Variants in NCOA1 observed in about 807,000 individuals in gnomAD.
The protein encoded by NCOA1 is Hin-2 protein.
Under a neutral mutation model 150.9 loss-of-function variants are expected in NCOA1, and 35 were observed. The ratio of observed to expected loss-of-function variants is 0.23; its 90% confidence interval spans 0.18 to 0.31. NCOA1 has a LOEUF of 0.31. Ranked by LOEUF, NCOA1 falls within the 10% of genes least tolerant of loss-of-function variation. NCOA1 has a pLI of 1.00. For synonymous variants in NCOA1, 590 were observed against 630.0 expected, an observed-to-expected ratio of 0.94 and a Z score of 0.95; for missense variants, 1,491 against 1,749.3, an observed-to-expected ratio of 0.85 and a Z score of 2.63.
At chr2:24,578,947 TTAGCACTGTGACAAC>T (rs1249026313) in intron 2 of NCOA1, among the ~76,000 whole-genome samples, 1 of 152,224 alleles carries the variant, frequency 6.6e-6, no homozygotes, top group Non-Finnish European at 1.5e-5. Context: ...CATATAAGTG[TTAGCACTGTGACAAC>T]TGGGACTGTA....
At position 24,697,807 on chromosome 2, in the gene NCOA1, TTC is replaced by T; in HGVS notation, c.949+16_949+17del. On this transcript the variant is annotated intron_variant, in intron 11 of 22. Transcript: ENST00000348332. ...ACAGCTGTTCCAAGAAGGTAAAATTTTCTCTCTCAATTATTTTCATTAACCCT... is the reference window on the plus strand; with the variant it reads ...ACAGCTGTTCCAAGAAGGTAAAATTTTCTCTCAATTATTTTCATTAACCCT... The T allele has an allele frequency of 9.9e-6, 16 of 1,611,110 alleles. No individual in the cohort carries two copies. Among genetic ancestry groups the T allele is most frequent in the Non-Finnish European group, 1.3e-5 (15 of 1,177,794 alleles).
chr2:24,506,938 C>T (rs1663721536), intron 1 of NCOA1, among the ~76,000 whole-genome samples: 1 of 152,134 alleles, frequency 6.6e-6, no homozygotes, highest in South Asian at 2.1e-4. Flanking sequence ...ATGCAATAAA[C>T]ATTTATTAAG....
rs1673497872 is a variant in NCOA1 at position 24,707,315 on chromosome 2, C to T, written c.1845C>T (p.Asn615=). The T allele has an allele frequency of 6.2e-7, 1 of 1,614,200 alleles. No homozygotes were observed. Among genetic ancestry groups the T allele is most frequent in the East Asian group, 2.2e-5 (1 of 44,890 alleles). ...CTCTGGATTCAGGGCTTCTGCATAA[C>T]AATGACAGACTTTCAGATGGAGACA... The part of the protein sequence containing the change: ...GKPLDSGLLH[N]NDRLSDGDSK... Residue 615 remains asparagine, a synonymous_variant, in exon 13 of 23, where the codon AAC becomes AAT. Transcript: ENST00000348332.
At chr2:24,651,015 A>T (rs1417721774) in intron 4 of NCOA1, among the ~76,000 whole-genome samples, 1 of 152,046 alleles carries the variant, frequency 6.6e-6, no homozygotes, top group African/African-American at 2.4e-5. Context: ...TAGATTTGGG[A>T]TGCTCAACCT....
At chr2:24,572,518 A>C (rs1211089886) in intron 2 of NCOA1, among the ~76,000 whole-genome samples, 1 of 152,228 alleles carries the variant, frequency 6.6e-6, no homozygotes. Context: ...TCTAGTAAGA[A>C]AGAAAACTTT....
chr2:24,722,016 T>C (rs775164219), intron 14 of NCOA1, among the ~76,000 whole-genome samples: 4 of 152,084 alleles, frequency 2.6e-5, no homozygotes, highest in Admixed American at 6.6e-5. Flanking sequence ...GAAGAGAAAA[T>C]AAAATATAAG....
intron 1 of NCOA1, among the ~76,000 whole-genome samples, chr2:24,532,631 A>G (rs1366456152): frequency 6.6e-6 from 1 of 152,182 alleles, no homozygotes; most frequent in Non-Finnish European, 1.5e-5. Flanking sequence ...ATTTTTGTAT[A>G]AGGTATAAGG....
At chr2:24,746,246 A>G (rs1663910808) in intron 19 of NCOA1, among the ~76,000 whole-genome samples, 1 of 152,204 alleles carries the variant, frequency 6.6e-6, no homozygotes, top group African/African-American at 2.4e-5. Flanking sequence ...AGGGAAACTT[A>G]ACATAGTCTA....
intron 7 of NCOA1, among the ~76,000 whole-genome samples, chr2:24,675,937 T>C (rs955202385): frequency 3.3e-5 from 5 of 152,108 alleles, no homozygotes; most frequent in African/African-American, 1.2e-4. Flanking sequence ...CCCAAATGAT[T>C]ACTATATGTA....
At chr2:24,629,962 G>C (rs1200215173) in intron 3 of NCOA1, among the ~76,000 whole-genome samples, 1 of 151,096 alleles carries the variant, frequency 6.6e-6, no homozygotes, top group Non-Finnish European at 1.5e-5. Flanking sequence ...TCCTGCCTCA[G>C]CCTCCGGAGT....
Position 24,693,315 on chromosome 2 carries a change from T to A in NCOA1, c.776T>A (p.Val259Glu). The A allele has an allele frequency of 6.2e-7, 1 of 1,614,186 alleles. No homozygotes were observed. Among genetic ancestry groups the A allele is most frequent in the South Asian group, 1.1e-5 (1 of 91,090 alleles). ...CCTCGGCCTCCAGCTATTACGGGTG[T>A]AGAATCCTTTATGACCAAGCAAGAT... The part of the protein sequence containing the change: ...RLPRPPAITG[V>E]ESFMTKQDTT... The change falls in exon 10 of 23, where the codon GTA becomes GAA. Residue 259 changes from valine to glutamate, a missense_variant. Val to Glu is a moderately radical substitution (Grantham distance 121). Coordinates refer to ENST00000348332, the MANE Select transcript of NCOA1 (RefSeq NM_003743.5).
At chr2:24,711,814 C>T (rs1311729286) in intron 14 of NCOA1, among the ~76,000 whole-genome samples, 2 of 152,150 alleles carry the variant, frequency 1.3e-5, no homozygotes, top group African/African-American at 4.8e-5. Context: ...TTGCCCATCA[C>T]ATTTTGATGT....
intron 1 of NCOA1, among the ~76,000 whole-genome samples, chr2:24,535,432 G>T (rs1222138086): frequency 6.6e-6 from 1 of 151,964 alleles, no homozygotes; most frequent in Non-Finnish European, 1.5e-5. Context: ...TTTAATTGGG[G>T]CATTTAGCCC....
intron 19 of NCOA1, among the ~76,000 whole-genome samples, chr2:24,742,925 C>A (rs1452105939): frequency 6.6e-6 from 1 of 152,230 alleles, no homozygotes; most frequent in Non-Finnish European, 1.5e-5. Context: ...CTCTCAGCTG[C>A]TGCTGTTGCA....
intron 14 of NCOA1, among the ~76,000 whole-genome samples, chr2:24,717,748 G>A (rs192810033): frequency 6.6e-6 from 1 of 152,234 alleles, no homozygotes; most frequent in East Asian, 1.9e-4. Flanking sequence ...TAATACTAAT[G>A]TGTCAATATT....
At chr2:24,728,931 AAAG>A (rs1199077230) in intron 16 of NCOA1, among the ~76,000 whole-genome samples, 1 of 152,248 alleles carries the variant, frequency 6.6e-6, no homozygotes, top group Non-Finnish European at 1.5e-5. Flanking sequence ...TAGCCCATAA[AAAG>A]AAGTCATGTT....
intron 3 of NCOA1, among the ~76,000 whole-genome samples, chr2:24,585,070 G>C (rs1667344929): frequency 6.6e-6 from 1 of 152,032 alleles, no homozygotes; most frequent in Non-Finnish European, 1.5e-5. Context: ...ATGTCAAATT[G>C]CTCCTTAGTA....
intron 1 of NCOA1, among the ~76,000 whole-genome samples, chr2:24,499,680 C>T (rs1282555734): frequency 1.3e-5 from 2 of 152,138 alleles, no homozygotes; most frequent in African/African-American, 2.4e-5. Context: ...ATTGGTCATA[C>T]AAGTTGGAAG....
Position 24,758,086 on chromosome 2 carries a change from A to G in NCOA1, c.3995A>G (p.Asn1332Ser), listed in dbSNP as rs150066931. 2.3e-3 allele frequency: 3,683 copies of G among 1,613,966 alleles called. 64 individuals are homozygous for G. In the South Asian group the frequency reaches 0.025, roughly 11 times the overall value. The change falls in exon 21 of 23, where the codon AAC (asparagine) becomes AGC (serine). Residue 1332 changes from asparagine to serine, a missense_variant. Coordinates refer to ENST00000348332, the MANE Select transcript of NCOA1 (RefSeq NM_003743.5). ...AGGNTNVQNM[N>S]PMMAQMQMSS... Reference sequence around the variant, plus strand: ...GGAAATACGAATGTTCAGAACATGAACCCAATGATGGCCCAGATGCAGATG... The same window carrying G: ...GGAAATACGAATGTTCAGAACATGAGCCCAATGATGGCCCAGATGCAGATG...
Sources: gnomAD v4.1 joint callset for allele counts (sites outside exome capture counted in the v4.1 genomes callset) on GRCh38, gnomAD v4.1.1 for gene constraint, MANE v1.5 for transcripts, NCBI Gene and HGNC (gene_info 2026-07-23, HGNC 2026-07-21) for gene names.